Variants in SLC2A9 observed in about 807,000 individuals in gnomAD.
SLC2A9 encodes solute carrier family 2, facilitated glucose transporter member 9.
In SLC2A9, 39 loss-of-function variants were observed where a neutral mutation model predicts 50.6. The observed-to-expected ratio is 0.77, with a 90% CI of 0.60 to 1.01. SLC2A9 has a LOEUF of 1.01. SLC2A9 is among the 50% of genes least tolerant of loss of function. The probability of loss-of-function intolerance (pLI) is 0.00; values close to 1 mark genes in which losing one functional copy is unlikely to be tolerated. For synonymous variants in SLC2A9, 324 were observed against 276.9 expected (o/e 1.17, Z -1.69); for missense variants, 686 against 677.6 (o/e 1.01, Z -0.14).
At chr4:9,970,191 T>C (rs558664131) in intron 5 of SLC2A9, among the ~76,000 whole-genome samples, 1 of 152,148 alleles carries the variant, frequency 6.6e-6, no homozygotes, top group East Asian at 1.9e-4. Flanking sequence ...GCACTGGAGC[T>C]GAGTGGTGGG....
chr4:9,810,363 G>C (rs1305951706), intron 3 of SLC2A9, among the ~76,000 whole-genome samples: 2 of 152,208 alleles, frequency 1.3e-5, no homozygotes, highest in Non-Finnish European at 2.9e-5. Context: ...CTGAGATGAA[G>C]TGGGGACAAT....
chr4:10,022,379 C>T (rs576192686), upstream of SLC2A9, among the ~76,000 whole-genome samples: 7 of 152,358 alleles, frequency 4.6e-5, 1 homozygote, highest in Admixed American at 3.9e-4. Flanking sequence ...GCCTCTTAGT[C>T]GTTACTCTGT....
At chr4:9,981,585 A>G (rs1404329976) in intron 4 of SLC2A9, among the ~76,000 whole-genome samples, 1 of 152,162 alleles carries the variant, frequency 6.6e-6, no homozygotes, top group Non-Finnish European at 1.5e-5. Context: ...TAAAAAAATT[A>G]TTTTGCCCAA....
intron 8 of SLC2A9, among the ~76,000 whole-genome samples, chr4:9,906,041 A>T (rs1740603530): frequency 6.6e-6 from 1 of 152,196 alleles, no homozygotes; most frequent in Admixed American, 6.5e-5. Context: ...ATGGAAATCT[A>T]CCTAAATAGG....
At chr4:9,784,417 A>G (rs115323030) in intron 3 of SLC2A9, among the ~76,000 whole-genome samples, 234 of 152,364 alleles carry the variant, frequency 1.5e-3, no homozygotes, top group Middle Eastern at 3.4e-3. Context: ...CAACTGTAGC[A>G]TGTTTTAGAA....
At chr4:9,991,831 C>G (rs1757766140) in intron 3 of SLC2A9, among the ~76,000 whole-genome samples, 7 of 152,190 alleles carry the variant, frequency 4.6e-5, no homozygotes, top group Admixed American at 4.6e-4. Flanking sequence ...ACACTTTGAT[C>G]TTGGCCTTCC....
At chr4:9,950,590 G>GACAAAAAGTA (rs6148297) in intron 5 of SLC2A9, among the ~76,000 whole-genome samples, 1 of 151,278 alleles carries the variant, frequency 6.6e-6, no homozygotes, top group Non-Finnish European at 1.5e-5. Flanking sequence ...ATTATTAAAT[G>GACAAAAAGTA]ACAGATGCTG....
At chr4:10,018,587 G>GACAA (rs144774530) in intron 2 of SLC2A9, among the ~76,000 whole-genome samples, 2 of 128,076 alleles carry the variant, frequency 1.6e-5, no homozygotes, top group African/African-American at 6.4e-5. Context: ...TAGATAGATA[G>GACAA]ATAACAACAA....
chr4:9,979,702 T>A (rs1020477661), intron 5 of SLC2A9, among the ~76,000 whole-genome samples: 1 of 152,110 alleles, frequency 6.6e-6, no homozygotes, highest in African/African-American at 2.4e-5. Flanking sequence ...CTAACACTGA[T>A]CTGGCCATGT....
At chr4:9,790,668 G>A (rs913301567) in intron 3 of SLC2A9, among the ~76,000 whole-genome samples, 2 of 152,190 alleles carry the variant, frequency 1.3e-5, no homozygotes, top group African/African-American at 4.8e-5. Flanking sequence ...CCCTAAACCT[G>A]TCTGTCCTAG....
chr4:9,982,214 A>C (rs1169308108), intron 4 of SLC2A9, among the ~76,000 whole-genome samples: 1 of 152,198 alleles, frequency 6.6e-6, no homozygotes, highest in African/African-American at 2.4e-5. Context: ...CAGATCGGCC[A>C]GTTCAGGTAA....
intron 6 of SLC2A9, among the ~76,000 whole-genome samples, chr4:9,928,792 A>C (rs1370345393): frequency 1.3e-5 from 2 of 152,246 alleles, no homozygotes; most frequent in African/African-American, 4.8e-5. Flanking sequence ...TTCAAAAAGA[A>C]AAACTTGCAA....
At chr4:10,020,979 G>A (rs755883352) in intron 1 of SLC2A9, among the ~76,000 whole-genome samples, 23 of 152,222 alleles carry the variant, frequency 1.5e-4, no homozygotes, top group Non-Finnish European at 3.1e-4. Context: ...CCTGGGGAGG[G>A]TGAGAAGAGG....
intron 5 of SLC2A9, among the ~76,000 whole-genome samples, chr4:9,970,076 G>C (rs1480349351): frequency 2.0e-5 from 3 of 152,228 alleles, no homozygotes; most frequent in South Asian, 4.1e-4. Context: ...GTGGAAAACT[G>C]TGAGTCCTCA....
At chr4:10,014,754 C>T (rs1488665271) in intron 2 of SLC2A9, among the ~76,000 whole-genome samples, 2 of 152,132 alleles carry the variant, frequency 1.3e-5, no homozygotes, top group East Asian at 1.9e-4. Context: ...TGGGGCACCT[C>T]GAGGACATGG....
At chr4:9,838,582 T>C (rs1727477289) in intron 10 of SLC2A9, among the ~76,000 whole-genome samples, 1 of 152,136 alleles carries the variant, frequency 6.6e-6, no homozygotes, top group South Asian at 2.1e-4. Flanking sequence ...GCTGGGGGCA[T>C]CATACTACCT....
At chr4:9,868,591 G>A (rs899494273) in intron 10 of SLC2A9, among the ~76,000 whole-genome samples, 4 of 152,164 alleles carry the variant, frequency 2.6e-5, no homozygotes, top group African/African-American at 9.7e-5. Flanking sequence ...CTGCACCCCA[G>A]TTGTCACCTG....
rs1053695089 is a variant in SLC2A9 at position 9,907,904 on chromosome 4, G to A, written c.1113+331C>T. Among the ~76,000 whole-genome samples, 4 of 152,210 alleles carry A rather than the reference G, an allele frequency of 2.6e-5. No homozygotes were observed. The East Asian group carries it at 7.7e-4, about 29-fold the overall frequency. ...CCCCCTTTGGCATGATAAAGGACATGCTCCTCTAAAGAGATGCCTGTTTGT... is the reference window on the plus strand; with the variant it reads ...CCCCCTTTGGCATGATAAAGGACATACTCCTCTAAAGAGATGCCTGTTTGT... On this transcript the variant is annotated intron_variant, in intron 8 of 11. Coordinates refer to ENST00000264784, the MANE Select transcript of SLC2A9 (RefSeq NM_020041.3).
At chr4:9,923,627 G>A (rs1030899337) in intron 6 of SLC2A9, 4 of 152,724 alleles carry the variant, frequency 2.6e-5, no homozygotes, top group Non-Finnish European at 5.9e-5. Flanking sequence ...TGACCCTGAA[G>A]GCAAGGGAGA....
Sources: allele counts gnomAD v4.1 joint callset (sites outside exome capture counted in the v4.1 genomes callset), GRCh38; gene constraint gnomAD v4.1.1; transcripts MANE v1.5; gene names NCBI Gene and HGNC (gene_info 2026-07-23, HGNC 2026-07-21).